Variants in KALRN observed in about 807,000 individuals in gnomAD.
KALRN encodes kalirin RhoGEF kinase, also known as kalirin.
KALRN carries 70 observed loss-of-function variants against 353.7 expected under a neutral mutation model. That is an observed-to-expected ratio of 0.20 (90% CI 0.16 to 0.24). The LOEUF (loss-of-function observed/expected upper bound fraction) is 0.24. Ranked by LOEUF, KALRN falls within the 10% of genes least tolerant of loss-of-function variation. The probability of loss-of-function intolerance (pLI) is 1.00; values close to 1 mark genes in which losing one functional copy is unlikely to be tolerated. For missense variants in KALRN, 2,791 were observed against 3,756.7 expected (o/e 0.74, Z 6.72); for synonymous variants, 1,391 against 1,434.8 (o/e 0.97, Z 0.69).
intron 1 of KALRN, among the ~76,000 whole-genome samples, chr3:124,046,983 CT>C (rs201245508): frequency 0.045 from 5,302 of 116,828 alleles, 258 homozygotes; most frequent in African/African-American, 0.15. Context: ...GGAAATGTAT[CT>C]TTTTTTTTTT....
At chr3:124,267,677 A>T (rs942227836) in intron 4 of KALRN, among the ~76,000 whole-genome samples, 1 of 152,204 alleles carries the variant, frequency 6.6e-6, no homozygotes, top group Admixed American at 6.5e-5. Context: ...CCTTCCTCTT[A>T]GGAGAGGGGT....
At chr3:124,143,907 G>A (rs2066954660) in intron 1 of KALRN, among the ~76,000 whole-genome samples, 1 of 152,168 alleles carries the variant, frequency 6.6e-6, no homozygotes, top group African/African-American at 2.4e-5. Context: ...TTTAGAACAG[G>A]ATAATCTGAA....
chr3:124,602,637 A>G (rs1331898053), intron 34 of KALRN, among the ~76,000 whole-genome samples: 1 of 152,216 alleles, frequency 6.6e-6, no homozygotes. Flanking sequence ...TGGAAAAGTG[A>G]CACAGGGCTG....
rs753999093 is a variant in KALRN at position 124,671,771 on chromosome 3, C to T, written c.6815C>T (p.Ala2272Val). The T allele has an allele frequency of 3.2e-5, 51 of 1,613,890 alleles. 1 individual carries two copies. Among genetic ancestry groups the T allele is most frequent in the East Asian group, 2.9e-4 (13 of 44,886 alleles). The change falls in exon 48 of 60, where the codon GCG becomes GTG. Residue 2272 changes from alanine to valine, a missense_variant. Transcript: ENST00000682506. ...ASPRPYSSVP[A>V]GSEKPPKGSS... Reference sequence around the variant, plus strand: ...CCCAGGCCCTACTCCTCTGTTCCTGCGGGCTCAGAGAAGCCCCCAAAGGGC... The same window carrying T: ...CCCAGGCCCTACTCCTCTGTTCCTGTGGGCTCAGAGAAGCCCCCAAAGGGC...
chr3:124,248,359 G>A (rs1035331046), intron 3 of KALRN, among the ~76,000 whole-genome samples: 4 of 152,214 alleles, frequency 2.6e-5, no homozygotes, highest in Non-Finnish European at 5.9e-5. Flanking sequence ...TCCTCTGTCC[G>A]GGGCTGTGAC....
chr3:124,332,458 GCTTTGAT>G (rs2080681927), intron 8 of KALRN, among the ~76,000 whole-genome samples: 1 of 152,152 alleles, frequency 6.6e-6, no homozygotes, highest in African/African-American at 2.4e-5. Flanking sequence ...CTCCAAGCCA[GCTTTGAT>G]TTAGTTGGTA....
chr3:124,287,789 A>ATATATATATG (rs2076058708), intron 5 of KALRN, among the ~76,000 whole-genome samples: 1 of 13,062 alleles, frequency 7.7e-5, no homozygotes, highest in Non-Finnish European at 1.9e-4. Context: ...ATATATATAT[A>ATATATATATG]TATATATATA....
At chr3:124,072,255 T>C (rs1259240885) in intron 1 of KALRN, among the ~76,000 whole-genome samples, 1 of 152,222 alleles carries the variant, frequency 6.6e-6, no homozygotes, top group East Asian at 1.9e-4. Flanking sequence ...AGCAGCTCAG[T>C]GCATTCTTAT....
intron 10 of KALRN, among the ~76,000 whole-genome samples, chr3:124,368,142 G>A (rs2085214207): frequency 1.4e-5 from 1 of 69,366 alleles, no homozygotes; most frequent in Admixed American, 1.5e-4. Flanking sequence ...GCGGGGGGCT[G>A]ACCCCCCCCA....
At chr3:124,446,329 C>T in intron 20 of KALRN, 53 bp downstream of exon 20, 2 of 1,332,500 alleles carry the variant, frequency 1.5e-6, no homozygotes, top group Non-Finnish European at 2.1e-6. Flanking sequence ...CATACAGAGG[C>T]CCATCACCAA....
intron 1 of KALRN, among the ~76,000 whole-genome samples, chr3:124,112,355 C>A (rs2063068398): frequency 6.6e-6 from 1 of 151,970 alleles, no homozygotes; most frequent in Non-Finnish European, 1.5e-5. Context: ...ATGAGCATCC[C>A]TTCCCTAGCA....
chr3:124,538,111 G>A (rs1437605659), intron 33 of KALRN, among the ~76,000 whole-genome samples: 2 of 152,218 alleles, frequency 1.3e-5, no homozygotes, highest in Non-Finnish European at 2.9e-5. Flanking sequence ...TTTGACAAGT[G>A]CAAGTACATA....
In KALRN at chr3:124,622,879, G is replaced by T. The variant is rs538940403; in HGVS notation, c.5183-9541G>T. Among the ~76,000 whole-genome samples the T allele has an allele frequency of 3.3e-5, 5 of 152,234 alleles. No homozygotes were observed. The South Asian group carries it at 1.0e-3, about 32-fold the overall frequency. On this transcript the variant is annotated intron_variant, in intron 34 of 59. Coordinates refer to ENST00000682506, the MANE Select transcript of KALRN (RefSeq NM_001388419.1). ...TGATGACTTGTGTACAGTGTGTTCT[G>T]ATTTCAGAATCGTTTGGCAAATTTT...
At chr3:124,358,693 T>G (rs2083685164) in intron 10 of KALRN, among the ~76,000 whole-genome samples, 1 of 152,214 alleles carries the variant, frequency 6.6e-6, no homozygotes. Flanking sequence ...GTTTGAATTA[T>G]TTTTCTTATG....
At chr3:124,095,467 C>G (rs1482024633) in intron 1 of KALRN, among the ~76,000 whole-genome samples, 1 of 152,178 alleles carries the variant, frequency 6.6e-6, no homozygotes, top group South Asian at 2.1e-4. Flanking sequence ...ATGGTGCACA[C>G]AGTAGGTGCT....
intron 15 of KALRN, among the ~76,000 whole-genome samples, chr3:124,423,251 A>G (rs1477222979): frequency 6.6e-6 from 1 of 152,178 alleles, no homozygotes; most frequent in Non-Finnish European, 1.5e-5. Flanking sequence ...CAGTCACTCA[A>G]TCTGTTCTTT....
At chr3:124,532,733 G>A (rs753108251) in intron 33 of KALRN, among the ~76,000 whole-genome samples, 4 of 152,176 alleles carry the variant, frequency 2.6e-5, no homozygotes, top group Non-Finnish European at 4.4e-5. Context: ...CTTGAGAGGC[G>A]GAGGTTGCAG....
chr3:124,630,606 G>A (rs1342107249), intron 34 of KALRN, among the ~76,000 whole-genome samples: 1 of 152,102 alleles, frequency 6.6e-6, no homozygotes, highest in Non-Finnish European at 1.5e-5. Context: ...CTGCAGTTCA[G>A]ATTTCACCTT....
At chr3:124,523,726 A>G (rs1436229162) in intron 33 of KALRN, among the ~76,000 whole-genome samples, 1 of 152,206 alleles carries the variant, frequency 6.6e-6, no homozygotes, top group Non-Finnish European at 1.5e-5. Flanking sequence ...TGAAGCATAA[A>G]ATCCTTTTTT....
Sources: gnomAD v4.1 joint callset for allele counts (sites outside exome capture counted in the v4.1 genomes callset) on GRCh38, gnomAD v4.1.1 for gene constraint, MANE v1.5 for transcripts, NCBI Gene and HGNC (gene_info 2026-07-23, HGNC 2026-07-21) for gene names.